Variants in NCAM2 observed in about 807,000 individuals in gnomAD.
NCAM2 encodes the protein neural cell adhesion molecule 2.
Under a neutral mutation model 98.1 loss-of-function variants are expected in NCAM2, and 30 were observed. That is an observed-to-expected ratio of 0.31 (90% CI 0.23 to 0.41). The LOEUF is 0.41. NCAM2 is among the 10% of genes least tolerant of loss of function. The probability of loss-of-function intolerance (pLI) is 1.00; values close to 1 mark genes in which losing one functional copy is unlikely to be tolerated. For missense variants in NCAM2, 867 were observed against 1,005.8 expected (o/e 0.86, Z 1.87); for synonymous variants, 368 against 342.4 (o/e 1.07, Z -0.83).
chr21:21,502,221 G>T lies in NCAM2; in HGVS notation c.2078-6630G>T, dbSNP rs547790400. Among the ~76,000 whole-genome samples, 11 of 151,904 alleles carry T rather than the reference G, an allele frequency of 7.2e-5. No individual in the cohort carries two copies. In the East Asian group the frequency reaches 2.1e-3, roughly 29 times the overall value. On this transcript the variant is annotated intron_variant, in intron 15 of 17. Coordinates refer to ENST00000400546, the MANE Select transcript of NCAM2 (RefSeq NM_004540.5). ...TACTTTTGGGGTATGTTTTACAATG[G>T]ATAATTTCTAAAAATATTTTTTGAA... is the stretch of plus-strand genomic sequence containing the variant.
intron 1 of NCAM2, among the ~76,000 whole-genome samples, chr21:21,015,628 T>A (rs1242529104): frequency 6.6e-6 from 1 of 152,224 alleles, no homozygotes; most frequent in African/African-American, 2.4e-5. Flanking sequence ...TATTGTGATA[T>A]ATGCTTTATT....
At chr21:21,385,574 T>C in intron 9 of NCAM2, 1 of 1,190,256 alleles carries the variant, frequency 8.4e-7, no homozygotes. Flanking sequence ...ATTAAGCCTT[T>C]TTTTGCTCAA....
chr21:21,331,510 T>TATATA (rs1441524860), intron 6 of NCAM2, among the ~76,000 whole-genome samples: 1 of 1,060 alleles, frequency 9.4e-4, no homozygotes, highest in African/African-American at 2.0e-3. Context: ...CTCTATACTC[T>TATATA]CTCTCTCTAT....
chr21:21,103,267 A>G (rs1005781203), intron 1 of NCAM2, among the ~76,000 whole-genome samples: 1 of 151,572 alleles, frequency 6.6e-6, no homozygotes, highest in Non-Finnish European at 1.5e-5. Context: ...TAGTGAGCAG[A>G]AAAAAATCAG....
chr21:21,088,828 C>G (rs8131279), intron 1 of NCAM2, among the ~76,000 whole-genome samples: 34,646 of 151,648 alleles, frequency 0.23, 4,574 homozygotes, highest in African/African-American at 0.37. Context: ...AAAAATTAGC[C>G]GGGCGTGGTG....
chr21:21,374,875 A>G (rs2075996656), intron 9 of NCAM2, among the ~76,000 whole-genome samples: 1 of 151,850 alleles, frequency 6.6e-6, no homozygotes, highest in South Asian at 2.1e-4. Flanking sequence ...TCTCTTATCG[A>G]GAATGCCTTC....
intron 9 of NCAM2, among the ~76,000 whole-genome samples, chr21:21,404,726 A>G (rs570228721): frequency 2.6e-5 from 4 of 151,894 alleles, no homozygotes; most frequent in African/African-American, 9.6e-5. Context: ...TTAAATGTAT[A>G]TTTGTATACA....
At chr21:21,218,680 T>G (rs73316730) in intron 1 of NCAM2, among the ~76,000 whole-genome samples, 2,780 of 152,286 alleles carry the variant, frequency 0.018, 87 homozygotes, top group African/African-American at 0.064. Context: ...CTCTATAACC[T>G]GGAAAAGGCA....
chr21:21,358,136 T>C (rs1314767822), intron 8 of NCAM2, among the ~76,000 whole-genome samples: 1 of 152,136 alleles, frequency 6.6e-6, no homozygotes, highest in East Asian at 1.9e-4. Flanking sequence ...GAAAATATTT[T>C]CATTCGATGT....
At position 21,033,852 on chromosome 21, in the gene NCAM2, A is replaced by C. The variant is rs550728786; in HGVS notation, c.55+35234A>C. ...GATGCAAATCTCTTTCACAGAAGGC[A>C]GCTTTTCTGAACTATCCCCATCTGC... On this transcript the variant is annotated intron_variant, in intron 1 of 17. Coordinates refer to ENST00000400546, the MANE Select transcript of NCAM2 (RefSeq NM_004540.5). 3.3e-5 allele frequency among the ~76,000 whole-genome samples: 5 copies of C among 152,284 alleles called. 1 individual carries two copies. The South Asian group carries it at 1.0e-3, about 32-fold the overall frequency.
intron 3 of NCAM2, 76 bp downstream of exon 3, chr21:21,284,476 A>G (rs1010251330): frequency 2.8e-6 from 3 of 1,069,584 alleles, no homozygotes; most frequent in African/African-American, 3.2e-5. Context: ...AAAATGTTTG[A>G]TAACACTTAT....
At chr21:21,177,946 A>G in intron 1 of NCAM2, among the ~76,000 whole-genome samples, 1 of 152,236 alleles carries the variant, frequency 6.6e-6, no homozygotes. Flanking sequence ...TAAAAATAGA[A>G]TATTTTGTTT....
chr21:21,454,741 A>G (rs910259040), intron 12 of NCAM2, among the ~76,000 whole-genome samples: 1 of 152,114 alleles, frequency 6.6e-6, no homozygotes, highest in East Asian at 1.9e-4. Flanking sequence ...CTGGCTAAAT[A>G]TAAGTGTTAG....
At chr21:21,452,971 T>A (rs1187381042) in intron 12 of NCAM2, among the ~76,000 whole-genome samples, 411 of 32,096 alleles carry the variant, frequency 0.013, 1 homozygote, top group Non-Finnish European at 0.024. Context: ...ATATTATATA[T>A]TATTATATAT....
intron 8 of NCAM2, among the ~76,000 whole-genome samples, chr21:21,355,156 G>A (rs1015321931): frequency 1.3e-5 from 2 of 152,066 alleles, no homozygotes; most frequent in East Asian, 3.9e-4. Context: ...TTTCGTGACC[G>A]GGCATGGTGG....
At chr21:21,280,169 C>T (rs1231526553) in intron 1 of NCAM2, among the ~76,000 whole-genome samples, 2 of 150,436 alleles carry the variant, frequency 1.3e-5, no homozygotes, top group African/African-American at 2.4e-5. Flanking sequence ...AGTTAATTTG[C>T]GTGTGTGTGT....
chr21:21,338,947 C>T (rs200816277), intron 8 of NCAM2, among the ~76,000 whole-genome samples: 1 of 152,030 alleles, frequency 6.6e-6, no homozygotes, highest in East Asian at 1.9e-4. Flanking sequence ...GATTTACAAA[C>T]CAGTACATTT....
intron 16 of NCAM2, among the ~76,000 whole-genome samples, chr21:21,520,357 T>A (rs2146386508): frequency 6.6e-6 from 1 of 152,210 alleles, no homozygotes. Flanking sequence ...TGTAAGCAAG[T>A]TGTGAAGAAC....
chr21:21,440,292 A>C (rs564992546), intron 12 of NCAM2, among the ~76,000 whole-genome samples: 1 of 152,322 alleles, frequency 6.6e-6, no homozygotes, highest in Admixed American at 6.5e-5. Context: ...ATCAAAATTA[A>C]TGAATTATCA....
Sources: gnomAD v4.1 joint callset for allele counts (sites outside exome capture counted in the v4.1 genomes callset) on GRCh38, gnomAD v4.1.1 for gene constraint, MANE v1.5 for transcripts, NCBI Gene and HGNC (gene_info 2026-07-23, HGNC 2026-07-21) for gene names.